The following REDIC1 variants were observed in gnomAD, a reference collection of about 807,000 sequenced individuals.
REDIC1 encodes the protein regulator of DNA class I crossover intermediates 1, also known as HEI10 Interacting Protein 1.
the REDIC1 span, among the ~76,000 whole-genome samples, chr12:39,639,461 G>T: frequency 6.6e-6 from 1 of 151,890 alleles, no homozygotes; most frequent in Non-Finnish European, 1.5e-5. Context: ...CAAAGTCAGG[G>T]GTATTCAGTA....
chr12:39,745,513 G>A, the REDIC1 span, among the ~76,000 whole-genome samples: 1 of 152,094 alleles, frequency 6.6e-6, no homozygotes, highest in Non-Finnish European at 1.5e-5. Context: ...TAGGATTTTT[G>A]TGAGGATAGA....
chr12:39,887,673 C>T, the REDIC1 span, among the ~76,000 whole-genome samples: 6 of 152,220 alleles, frequency 3.9e-5, no homozygotes, highest in South Asian at 6.2e-4. Flanking sequence ...GTTAGTTATT[C>T]TAATTCCATG....
chr12:39,768,896 C>A, the REDIC1 span, among the ~76,000 whole-genome samples: 2 of 152,050 alleles, frequency 1.3e-5, no homozygotes, highest in Admixed American at 6.6e-5. Flanking sequence ...AAACAAAATG[C>A]AATGTCTGTG....
the REDIC1 span, among the ~76,000 whole-genome samples, chr12:39,669,770 C>G: frequency 1.3e-5 from 2 of 152,186 alleles, no homozygotes; most frequent in Non-Finnish European, 1.5e-5. Context: ...CCCTCCCAGC[C>G]TGGCTGCCGC....
At chr12:39,635,905 A>C in the REDIC1 span, among the ~76,000 whole-genome samples, 1 of 152,150 alleles carries the variant, frequency 6.6e-6, no homozygotes, top group Admixed American at 6.6e-5. Flanking sequence ...GTTTGTGTGG[A>C]AATCTTACGA....
the REDIC1 span, among the ~76,000 whole-genome samples, chr12:39,651,748 CATAAA>C: frequency 6.6e-6 from 1 of 152,188 alleles, no homozygotes; most frequent in South Asian, 2.1e-4. Context: ...TATTAAATGA[CATAAA>C]ATAAACTAAA....
chr12:39,646,835 A>C, the REDIC1 span: 2 of 1,575,684 alleles, frequency 1.3e-6, no homozygotes, highest in African/African-American at 1.4e-5. Context: ...TTTTCTTTTC[A>C]TTAGTGTAAA....
At chr12:39,782,384 G>A in the REDIC1 span, among the ~76,000 whole-genome samples, 1 of 152,158 alleles carries the variant, frequency 6.6e-6, no homozygotes, top group African/African-American at 2.4e-5. Context: ...TAGTGAGTAA[G>A]TGTCACGAAA....
At chr12:39,742,634 G>A in the REDIC1 span, among the ~76,000 whole-genome samples, 1 of 151,940 alleles carries the variant, frequency 6.6e-6, no homozygotes, top group Non-Finnish European at 1.5e-5. Context: ...GGTAGAAAAG[G>A]GCTTCTTAAA....
chr12:39,680,087 G>T, the REDIC1 span, among the ~76,000 whole-genome samples: 111,923 of 152,056 alleles, frequency 0.74, 42,621 homozygotes, highest in Non-Finnish European at 0.84. Flanking sequence ...AAGAATTCAT[G>T]ACCAAGAACC....
the REDIC1 span, chr12:39,721,502 G>A: frequency 1.9e-5 from 7 of 367,396 alleles, no homozygotes; most frequent in Non-Finnish European, 3.4e-5. Context: ...TAATATATTT[G>A]TAAATGTACT....
chr12:39,896,887 C>G, the REDIC1 span, among the ~76,000 whole-genome samples: 1 of 152,022 alleles, frequency 6.6e-6, no homozygotes, highest in East Asian at 1.9e-4. Flanking sequence ...AGTGAAAACA[C>G]GTGTCCTTTT....
At chr12:39,893,256 A>G in the REDIC1 span, among the ~76,000 whole-genome samples, 50 of 152,206 alleles carry the variant, frequency 3.3e-4, no homozygotes, top group Non-Finnish European at 5.4e-4. Context: ...AATTTTATCT[A>G]TGTCTATTTT....
At chr12:39,721,293 C>T in the REDIC1 span, 2 of 1,514,934 alleles carry the variant, frequency 1.3e-6, no homozygotes, top group Non-Finnish European at 1.8e-6. Context: ...TTCACTTGCC[C>T]TTAGAAAACA....
the REDIC1 span, among the ~76,000 whole-genome samples, chr12:39,715,472 A>G: frequency 6.6e-6 from 1 of 151,862 alleles, no homozygotes; most frequent in South Asian, 2.1e-4. Context: ...GGATGGGTAG[A>G]ATCAATATTT....
At chr12:39,901,128 C>A in the REDIC1 span, among the ~76,000 whole-genome samples, 1 of 152,146 alleles carries the variant, frequency 6.6e-6, no homozygotes, top group African/African-American at 2.4e-5. Flanking sequence ...GGAAAACTGG[C>A]TAGCCATATG....
the REDIC1 span, among the ~76,000 whole-genome samples, chr12:39,783,369 T>A: frequency 1.2e-4 from 18 of 152,192 alleles, no homozygotes; most frequent in Admixed American, 1.2e-3. Context: ...GATTTATAAT[T>A]CTTTGGGTAT....
At chr12:39,681,032 G>A in the REDIC1 span, among the ~76,000 whole-genome samples, 1 of 152,140 alleles carries the variant, frequency 6.6e-6, no homozygotes, top group Non-Finnish European at 1.5e-5. Context: ...AGCACTTTGG[G>A]ATGCTGAAGC....
chr12:39,711,153 A>G, the REDIC1 span, among the ~76,000 whole-genome samples: 2 of 151,240 alleles, frequency 1.3e-5, no homozygotes, highest in Non-Finnish European at 3.0e-5. Flanking sequence ...TTGGTTTCCC[A>G]TTCCTGAGTT....
Sources: gnomAD v4.1 joint callset for allele counts (sites outside exome capture counted in the v4.1 genomes callset) on GRCh38, gnomAD v4.1.1 for gene constraint, MANE v1.5 for transcripts, NCBI Gene and HGNC (gene_info 2026-07-23, HGNC 2026-07-21) for gene names.